HTRA3: variants seen among roughly 807,000 people sequenced by gnomAD.
The protein encoded by HTRA3 is HtrA serine peptidase 3.
HTRA3 carries 41 observed loss-of-function variants against 43.2 expected under a neutral mutation model. The ratio of observed to expected loss-of-function variants is 0.95; its 90% CI spans 0.74 to 1.23. The LOEUF is 1.23. Ranked by LOEUF, HTRA3 falls within the 50% of genes most tolerant of loss-of-function variation. The pLI is 0.00. For missense variants in HTRA3, 628 were observed against 647.1 expected, an observed-to-expected ratio of 0.97 and a Z score of 0.32; for synonymous variants, 295 against 287.9, an observed-to-expected ratio of 1.02 and a Z score of -0.25.
Position 8,306,788 on chromosome 4 carries a change from G to C in HTRA3, c.*652G>C, listed in dbSNP as rs1713871810. The C allele has an allele frequency of 6.5e-6, 1 of 152,700 alleles. No individual in the cohort carries two copies. The highest frequency in any genetic ancestry group is 1.5e-5 in the Non-Finnish European group (1 of 68,106). The allele number at this position is 152,700 out of a possible 1,614,324, so 9.5% of individuals were successfully genotyped here. A position where few individuals can be genotyped will look rare whatever the true frequency, so the allele number is the denominator to read the frequency against. On this transcript the variant is annotated 3_prime_UTR_variant, in exon 9 of 9. Coordinates refer to ENST00000307358, the MANE Select transcript of HTRA3 (RefSeq NM_053044.5). The surrounding 1 kb of genome is among the most constrained non-coding windows in gnomAD (Gnocchi z 8.9). ...GGCAGGAGGCCGCGGGGAGCACGTG[G>C]AAAGTTGGCTGCTGCCTGGGGAAGC...
At chr4:8,272,623 C>A (rs747795562) in intron 1 of HTRA3, among the ~76,000 whole-genome samples, 1 of 152,216 alleles carries the variant, frequency 6.6e-6, no homozygotes, top group Non-Finnish European at 1.5e-5. Context: ...CTGTGGCGAC[C>A]GACCCAAATC....
rs776368333 is a variant in HTRA3, at chr4:8,270,122, C to A, written c.154C>A (p.Leu52Met). Residue 52 changes from leucine (L) to methionine (M), a missense_variant, in exon 1 of 9, where the codon CTG (leucine) becomes ATG (methionine). Transcript: ENST00000307358. Reference sequence around the variant, plus strand: ...CGTGCCCGACCTCTGCAACTGCTGCCTGGTGTGCGCCGCCAGCGAGGGCGA... The same window carrying A: ...CGTGCCCGACCTCTGCAACTGCTGCATGGTGTGCGCCGCCAGCGAGGGCGA... ...GYVPDLCNCC[L>M]VCAASEGEPC... 6.5e-7 allele frequency: 1 copy of A among 1,545,226 alleles called. No individual in the cohort carries two copies. Among genetic ancestry groups the A allele is most frequent in the South Asian group, 1.2e-5 (1 of 85,496 alleles).
chr4:8,292,830 C>A (rs1293548222), intron 5 of HTRA3, among the ~76,000 whole-genome samples: 1 of 152,170 alleles, frequency 6.6e-6, no homozygotes, highest in African/African-American at 2.4e-5. Flanking sequence ...GACGGTCCCA[C>A]CCCTGAAGCT....
At chr4:8,289,702 G>A (rs1451987910) in intron 3 of HTRA3, among the ~76,000 whole-genome samples, 1 of 152,198 alleles carries the variant, frequency 6.6e-6, no homozygotes, top group African/African-American at 2.4e-5. Flanking sequence ...ATTAAATCGA[G>A]CCATGGGAAA....
At chr4:8,287,364 GTAT>G in intron 3 of HTRA3, among the ~76,000 whole-genome samples, 1 of 152,320 alleles carries the variant, frequency 6.6e-6, no homozygotes, top group East Asian at 1.9e-4. Flanking sequence ...GAAAGGGCCT[GTAT>G]GAGTCTGTTT....
chr4:8,301,471 T>G (rs1379675278), intron 6 of HTRA3, among the ~76,000 whole-genome samples: 1 of 151,862 alleles, frequency 6.6e-6, no homozygotes, highest in Non-Finnish European at 1.5e-5. Context: ...GCTTTATTAT[T>G]GAGTCACACT....
intron 3 of HTRA3, among the ~76,000 whole-genome samples, chr4:8,287,853 C>T (rs866742903): frequency 6.6e-6 from 1 of 152,186 alleles, no homozygotes; most frequent in Non-Finnish European, 1.5e-5. Context: ...TCAGCTAGGA[C>T]CCCGGCCTCC....
At position 8,279,083 on chromosome 4, in the gene HTRA3, G is replaced by A. The variant is rs771828837; in HGVS notation, c.386-3354G>A. Among the ~76,000 whole-genome samples, 1 of 151,948 alleles carries A rather than the reference G, an allele frequency of 6.6e-6. No individual in the cohort carries two copies. Among genetic ancestry groups the A allele is most frequent in the African/African-American group, 2.4e-5 (1 of 41,348 alleles). ...CTGGTTACCACTGGGGTGTGGAAGC[G>A]AACCAGATGGTCTCTGTCCCAAAGG... On this transcript the variant is annotated intron_variant, in intron 1 of 8. Transcript: ENST00000307358. The surrounding 1 kb of genome is among the most constrained non-coding windows in gnomAD (Gnocchi z 7.4).
Position 8,282,428 on chromosome 4 carries a change from C to T in HTRA3, c.386-9C>T. 1 of 1,609,738 alleles carries T rather than the reference C, an allele frequency of 6.2e-7. No individual in the cohort carries two copies. The highest frequency in any genetic ancestry group is 8.5e-7 in the Non-Finnish European group (1 of 1,177,566). ...TCACTGATGCACCTGGCCCTTCCCG[C>T]CAGCGCAGGTCTCCACCAGCTGAGC... On this transcript the variant is annotated splice_polypyrimidine_tract_variant and intron_variant, in intron 1 of 8. Coordinates refer to ENST00000307358, the MANE Select transcript of HTRA3 (RefSeq NM_053044.5).
In HTRA3 at chr4:8,295,808, G is replaced by C; in HGVS notation, c.1051+1607G>C. 8.0e-7 allele frequency: 1 copy of C among 1,250,812 alleles called. No individual in the cohort carries two copies. The highest frequency in any genetic ancestry group is 1.0e-6 in the Non-Finnish European group (1 of 996,034). 77.5% of individuals were successfully genotyped at this position (1,250,812 alleles called of 1,614,324 possible). ...GTGCAGCCAAGGCTGGTGCCATGAG[G>C]GCTGGTCACATGAAGAGCTGCTGTT... On this transcript the variant is annotated intron_variant, in intron 6 of 8. Coordinates refer to ENST00000307358, the MANE Select transcript of HTRA3 (RefSeq NM_053044.5). The surrounding 1 kb of genome is among the most constrained non-coding windows in gnomAD (Gnocchi z 6.9).
chr4:8,287,821 C>T (rs1480320839), intron 3 of HTRA3, among the ~76,000 whole-genome samples: 1 of 152,224 alleles, frequency 6.6e-6, no homozygotes, highest in Non-Finnish European at 1.5e-5. Context: ...GATCACAGCG[C>T]ACTGGAGCAG....
chr4:8,305,987 G>T lies in HTRA3; in HGVS notation c.1213G>T (p.Gly405Cys). 1 of 1,611,802 alleles carries T rather than the reference G, an allele frequency of 6.2e-7. No homozygotes were observed. The highest frequency in any genetic ancestry group is 8.5e-7 in the Non-Finnish European group (1 of 1,179,488). Reference protein sequence around the residue: ...SPSQRGGIQDGDIIVKVNGRP... With the variant: ...SPSQRGGIQDCDIIVKVNGRP... The stretch of plus-strand genomic sequence containing the variant: ...TGTTGGCAGAGGCGGCATCCAAGAT[G>T]GTGACATCATCGTCAAGGTCAACGG... The change falls in exon 9 of 9, where the codon GGT becomes TGT. Residue 405 changes from glycine (G) to cysteine (C), a missense_variant. By Grantham distance (159) the Gly-to-Cys change is radical. Transcript: ENST00000307358.
intron 6 of HTRA3, among the ~76,000 whole-genome samples, chr4:8,298,860 A>C (rs1423630866): frequency 6.6e-6 from 1 of 152,220 alleles, no homozygotes; most frequent in Non-Finnish European, 1.5e-5. Context: ...TCAGTACTGC[A>C]CTGGCCCGAT....
Position 8,302,517 on chromosome 4 carries a change from T to A in HTRA3, c.1100+6T>A. ...ATGCGGACGATCACACCAAGGTGAG[T>A]GTCTGAAGAGTGCCATCCCCTGCTA... is the stretch of plus-strand genomic sequence containing the variant. On this transcript the variant is annotated splice_donor_region_variant and intron_variant, in intron 7 of 8. Transcript: ENST00000307358. 1 of 1,613,222 alleles carries A rather than the reference T, an allele frequency of 6.2e-7. No individual in the cohort carries two copies. Among genetic ancestry groups the A allele is most frequent in the Non-Finnish European group, 8.5e-7 (1 of 1,179,590 alleles).
intron 1 of HTRA3, among the ~76,000 whole-genome samples, chr4:8,271,757 C>T (rs747878707): frequency 6.6e-6 from 1 of 152,222 alleles, no homozygotes; most frequent in Non-Finnish European, 1.5e-5. Context: ...TGTAGCCTCT[C>T]TCATAAGGAG....
chr4:8,281,105 C>T (rs1384131322), intron 1 of HTRA3, among the ~76,000 whole-genome samples: 1 of 152,196 alleles, frequency 6.6e-6, no homozygotes, highest in Non-Finnish European at 1.5e-5. Context: ...CCCTGGCTGC[C>T]CCTGGAGAGT....
chr4:8,272,615 G>A (rs1712333292), intron 1 of HTRA3, among the ~76,000 whole-genome samples: 1 of 152,224 alleles, frequency 6.6e-6, no homozygotes, highest in Admixed American at 6.5e-5. Context: ...TGTTATCACT[G>A]TGGCGACCGA....
chr4:8,286,739 A>G lies in HTRA3; in HGVS notation c.664A>G (p.Ile222Val), dbSNP rs1215623801. 7 of 1,614,118 alleles carry G rather than the reference A, an allele frequency of 4.3e-6. No individual in the cohort carries two copies. The highest frequency in any genetic ancestry group is 5.9e-6 in the Non-Finnish European group (7 of 1,180,010). The change falls in exon 3 of 9, where the codon ATC (isoleucine) becomes GTC (valine). Residue 222 changes from isoleucine to valine, a missense_variant. Transcript: ENST00000307358. This position sits in a 1 kb window ranked among gnomAD's most constrained non-coding sequence, Gnocchi z 4.9. ...CTCCTATGAGGCCACCATCAAAGAC[A>G]TCGACAAGAAGTCGGACATTGCCAC... ...GDSYEATIKD[I>V]DKKSDIATIK... is the part of the protein sequence containing the mutation.
At chr4:8,294,563 T>C in intron 6 of HTRA3, among the ~76,000 whole-genome samples, 1 of 136,488 alleles carries the variant, frequency 7.3e-6, no homozygotes, top group Non-Finnish European at 1.6e-5. Flanking sequence ...TTTCTTTCCT[T>C]CTATCCGTCC....
Sources: allele counts gnomAD v4.1 joint callset (sites outside exome capture counted in the v4.1 genomes callset), GRCh38; gene constraint gnomAD v4.1.1; non-coding constraint Gnocchi (gnomAD v3.1); transcripts MANE v1.5; gene names NCBI Gene and HGNC (gene_info 2026-07-23, HGNC 2026-07-21).